The following VSNL1 variants were observed in gnomAD, a reference collection of about 807,000 sequenced individuals.
VSNL1 encodes visinin like 1, also known as visinin-like protein 1.
VSNL1 carries 6 observed loss-of-function variants against 20.4 expected under a neutral mutation model. The ratio of observed to expected loss-of-function variants is 0.29; its 90% CI spans 0.16 to 0.58. The LOEUF is 0.58. Ranked by LOEUF, VSNL1 falls within the 20% of genes least tolerant of loss-of-function variation. The pLI, the probability that VSNL1 is intolerant of heterozygous loss-of-function variation, is 0.90. For synonymous variants in VSNL1, 93 were observed against 86.4 expected (o/e 1.08, Z -0.42); for missense variants, 100 against 234.5 (o/e 0.43, Z 3.75).
rs1371147842 is a variant in VSNL1, at chr2:17,634,115, G to A, written c.163-15295G>A. Among the ~76,000 whole-genome samples the A allele has an allele frequency of 6.6e-6, 1 of 152,138 alleles. No homozygotes were observed. Among genetic ancestry groups the A allele is most frequent in the Non-Finnish European group, 1.5e-5 (1 of 68,026 alleles). On this transcript the variant is annotated intron_variant, in intron 2 of 3. Coordinates refer to ENST00000295156, the MANE Select transcript of VSNL1 (RefSeq NM_003385.5). This position sits in a 1 kb window ranked among gnomAD's most constrained non-coding sequence, Gnocchi z 4.3. ...AGTGGCTTTCATCCTGGAGTGTGGG[G>A]GAGAAGGTGGAGGAGGGCATCAAAG...
chr2:17,552,775 C>T (rs1258884521), intron 1 of VSNL1, among the ~76,000 whole-genome samples: 1 of 151,856 alleles, frequency 6.6e-6, no homozygotes, highest in Non-Finnish European at 1.5e-5. Flanking sequence ...ATCAGGGTGC[C>T]AATTAAGTCT....
intron 1 of VSNL1, among the ~76,000 whole-genome samples, chr2:17,588,270 C>A (rs1664523133): frequency 6.6e-6 from 1 of 152,126 alleles, no homozygotes; most frequent in African/African-American, 2.4e-5. Context: ...GGAGGTCTGA[C>A]TCATATTTTC....
chr2:17,615,994 C>G (rs1665208348), intron 2 of VSNL1, among the ~76,000 whole-genome samples: 1 of 152,198 alleles, frequency 6.6e-6, no homozygotes, highest in South Asian at 2.1e-4. Context: ...GGAATGGATC[C>G]TCCCCTGCAG....
rs138824930 is a variant in VSNL1 at position 17,575,323 on chromosome 2, A to T, written c.-5-16747A>T. Among the ~76,000 whole-genome samples, 1,124 of 152,286 alleles carry T rather than the reference A, an allele frequency of 7.4e-3. 7 individuals are homozygous for T. The highest frequency in any genetic ancestry group is 0.024 in the Middle Eastern group (7 of 294). On this transcript the variant is annotated intron_variant, in intron 1 of 3. Coordinates refer to ENST00000295156, the MANE Select transcript of VSNL1 (RefSeq NM_003385.5). ...CCATCATTAGCTTAAAATACAAGGG[A>T]CTACCTACCTCTGAATAATTTGAAG... is the stretch of plus-strand genomic sequence containing the variant.
chr2:17,640,728 G>A (rs988958634), intron 2 of VSNL1, among the ~76,000 whole-genome samples: 9 of 151,840 alleles, frequency 5.9e-5, no homozygotes, highest in Admixed American at 1.3e-4. Context: ...ACAATTGTAC[G>A]TATTTGTGGG....
intron 1 of VSNL1, among the ~76,000 whole-genome samples, chr2:17,542,922 A>G (rs1047536875): frequency 2.0e-5 from 3 of 152,238 alleles, no homozygotes; most frequent in African/African-American, 7.2e-5. Flanking sequence ...ATGGATGTAG[A>G]GAAAAGTCAA....
At chr2:17,636,434 CT>C (rs1665750388) in intron 2 of VSNL1, among the ~76,000 whole-genome samples, 1 of 152,222 alleles carries the variant, frequency 6.6e-6, no homozygotes, top group Non-Finnish European at 1.5e-5. Flanking sequence ...TCCCGAAGAT[CT>C]TTTATGGCAA....
At chr2:17,551,916 A>AT in intron 1 of VSNL1, among the ~76,000 whole-genome samples, 1 of 149,680 alleles carries the variant, frequency 6.7e-6, no homozygotes, top group South Asian at 2.1e-4. Context: ...AAAAAAAAAA[A>AT]GCCCAGGCGT....
At chr2:17,581,625 A>G (rs561606781) in intron 1 of VSNL1, among the ~76,000 whole-genome samples, 3 of 152,342 alleles carry the variant, frequency 2.0e-5, no homozygotes, top group Admixed American at 1.3e-4. Flanking sequence ...ACTTTATAAA[A>G]TATTCCTTAC....
rs187203168 is a variant in VSNL1 at position 17,542,376 on chromosome 2, T to A, written c.-6+1458T>A. Among the ~76,000 whole-genome samples, 112 of 152,260 alleles carry A rather than the reference T, an allele frequency of 7.4e-4. 1 individual carries two copies. The highest frequency in any genetic ancestry group is 2.6e-3 in the African/African-American group (109 of 41,540). On this transcript the variant is annotated intron_variant, in intron 1 of 3. Coordinates refer to ENST00000295156, the MANE Select transcript of VSNL1 (RefSeq NM_003385.5). ...AAAGATGAGAAAAAAGCATGGCTAG[T>A]GCGTGCTGGATTTCCACGAAATAAG...
chr2:17,621,790 G>T (rs185313966), intron 2 of VSNL1, among the ~76,000 whole-genome samples: 9 of 152,138 alleles, frequency 5.9e-5, no homozygotes, highest in Admixed American at 3.9e-4. Context: ...ACCACACTTG[G>T]CTAATTTTTT....
intron 2 of VSNL1, among the ~76,000 whole-genome samples, chr2:17,615,254 A>G (rs2103397029): frequency 6.6e-6 from 1 of 152,366 alleles, no homozygotes; most frequent in Non-Finnish European, 1.5e-5. Flanking sequence ...GGGATTGGTG[A>G]GAGTGAGGGT....
At chr2:17,543,008 A>G (rs1451464451) in intron 1 of VSNL1, among the ~76,000 whole-genome samples, 2 of 152,246 alleles carry the variant, frequency 1.3e-5, no homozygotes, top group Non-Finnish European at 2.9e-5. Context: ...TTTCATTTTC[A>G]GCAGTCTCAG....
chr2:17,612,878 G>A (rs139230734), intron 2 of VSNL1, among the ~76,000 whole-genome samples: 2 of 152,190 alleles, frequency 1.3e-5, no homozygotes, highest in African/African-American at 4.8e-5. Context: ...TCTGAGTCAG[G>A]CCCAGGGCTC....
chr2:17,558,236 A>C (rs1189232619), intron 1 of VSNL1, among the ~76,000 whole-genome samples: 2 of 152,214 alleles, frequency 1.3e-5, no homozygotes, highest in Non-Finnish European at 2.9e-5. Flanking sequence ...GTATCATGGA[A>C]AGAAATATGG....
chr2:17,615,504 G>T (rs1665195237), intron 2 of VSNL1, among the ~76,000 whole-genome samples: 1 of 152,164 alleles, frequency 6.6e-6, no homozygotes, highest in African/African-American at 2.4e-5. Flanking sequence ...AACTCCCTTT[G>T]CCTCTGGAAA....
At chr2:17,579,405 G>A (rs1431529771) in intron 1 of VSNL1, among the ~76,000 whole-genome samples, 2 of 152,026 alleles carry the variant, frequency 1.3e-5, no homozygotes, top group African/African-American at 4.8e-5. Context: ...GTGAGCCACC[G>A]CGCCTGGCCA....
intron 2 of VSNL1, among the ~76,000 whole-genome samples, chr2:17,637,877 T>C (rs1028557083): frequency 3.3e-5 from 5 of 152,194 alleles, no homozygotes; most frequent in African/African-American, 1.2e-4. Context: ...TGCTGAGTCC[T>C]TGAGGTTGAC....
intron 1 of VSNL1, among the ~76,000 whole-genome samples, chr2:17,585,518 T>G (rs1664450047): frequency 6.6e-6 from 1 of 151,438 alleles, no homozygotes; most frequent in Non-Finnish European, 1.5e-5. Context: ...GGGGGTTGTT[T>G]CAACATCCTT....
Sources: allele counts gnomAD v4.1 joint callset (sites outside exome capture counted in the v4.1 genomes callset), GRCh38; gene constraint gnomAD v4.1.1; non-coding constraint Gnocchi (gnomAD v3.1); transcripts MANE v1.5; gene names NCBI Gene and HGNC (gene_info 2026-07-23, HGNC 2026-07-21).